CHRNA1: variants seen among roughly 807,000 people sequenced by gnomAD.
CHRNA1 encodes the protein cholinergic receptor nicotinic alpha 1 subunit, also known as acetylcholine receptor subunit alpha.
CHRNA1 carries 35 observed loss-of-function variants against 47.1 expected under a neutral mutation model. The ratio of observed to expected loss-of-function variants is 0.74; its 90% CI spans 0.57 to 0.99. CHRNA1 has a LOEUF of 0.99. Ranked by LOEUF, CHRNA1 falls within the 50% of genes least tolerant of loss-of-function variation. CHRNA1 has a pLI of 0.00. For synonymous variants in CHRNA1, 229 were observed against 223.6 expected, an observed-to-expected ratio of 1.02 and a Z score of -0.22; for missense variants, 506 against 591.1, an observed-to-expected ratio of 0.86 and a Z score of 1.49.
chr2:174,760,884 G>C (rs1292986055), intron 1 of CHRNA1, among the ~76,000 whole-genome samples: 1 of 152,096 alleles, frequency 6.6e-6, no homozygotes, highest in Non-Finnish European at 1.5e-5. Flanking sequence ...TCAGTATAGA[G>C]AGCAATATCA....
At chr2:174,750,415 G>A (rs188095769) in intron 6 of CHRNA1, among the ~76,000 whole-genome samples, 26 of 152,116 alleles carry the variant, frequency 1.7e-4, no homozygotes, top group African/African-American at 5.1e-4. Context: ...ATGCATAGAC[G>A]GAAGGCCATG....
intron 6 of CHRNA1, chr2:174,753,169 G>T: frequency 5.3e-6 from 3 of 566,822 alleles, no homozygotes; most frequent in Non-Finnish European, 9.5e-6. Context: ...AAGTGTCTGG[G>T]ATCACATGCC....
In CHRNA1 at chr2:174,748,828, A is replaced by G. The variant is rs769523120; in HGVS notation, c.1003-9T>C. ...ATAGTGTCGATAAAAACCTAACATA[A>G]AAAAGAAATCCATGCATGAGAATTA... On this transcript the variant is annotated splice_polypyrimidine_tract_variant and intron_variant, in intron 7 of 8. Transcript: ENST00000348749. 66 of 1,613,612 alleles carry G rather than the reference A, an allele frequency of 4.1e-5. No individual in the cohort carries two copies. Among genetic ancestry groups the G allele is most frequent in the East Asian group, 6.7e-5 (3 of 44,896 alleles).
In CHRNA1 at chr2:174,764,059, G is replaced by A. The variant is rs112181869; in HGVS notation, c.43+293C>T. Among the ~76,000 whole-genome samples, 464 of 152,290 alleles carry A rather than the reference G, an allele frequency of 3.0e-3. 4 individuals are homozygous for A. The highest frequency in any genetic ancestry group is 0.011 in the African/African-American group (446 of 41,548). ...TGGTCCAGGTCCTACAAATGGTGCC[G>A]AGTGTTCAGAGGGATGAGTCGGCTG... On this transcript the variant is annotated intron_variant, in intron 1 of 8. Coordinates refer to ENST00000348749, the MANE Select transcript of CHRNA1 (RefSeq NM_000079.4).
At position 174,748,153 on chromosome 2, in the gene CHRNA1, G is replaced by C; in HGVS notation, c.1345C>G (p.Arg449Gly). The change falls in exon 9 of 9, where the codon CGA (arginine) becomes GGA (glycine). Residue 449 changes from arginine (R) to glycine (G), a missense_variant. Transcript: ENST00000348749. ...CCTTGCTGATTTAATTCAATGAGTCGACCTGCAAACACGGCTAGGGTTCCG... is the reference window on the plus strand; with the variant it reads ...CCTTGCTGATTTAATTCAATGAGTCCACCTGCAAACACGGCTAGGGTTCCG... ...IIGTLAVFAGRLIELNQQG is the reference protein window; with the variant it reads ...IIGTLAVFAGGLIELNQQG 1 of 1,613,996 alleles carries C rather than the reference G, an allele frequency of 6.2e-7. No homozygotes were observed. Among genetic ancestry groups the C allele is most frequent in the South Asian group, 1.1e-5 (1 of 91,060 alleles).
In CHRNA1 at chr2:174,757,827, G is replaced by C. The variant is rs540326194; in HGVS notation, c.235-152C>G. 6.0e-4 allele frequency: 577 copies of C among 959,770 alleles called. 5 individuals are homozygous for C. In the African/African-American group the frequency reaches 8.2e-3, roughly 14 times the overall value. The allele number at this position is 959,770 out of a possible 1,614,324, so 59.5% of individuals were successfully genotyped here. On this transcript the variant is annotated intron_variant, in intron 3 of 8. Transcript: ENST00000348749. ...GATTCAGAATTTAGCTTTCACTTCA[G>C]TAAATAAGAACAGCAAATATATAGC... is the stretch of plus-strand genomic sequence containing the variant.
rs576344249 is a variant in CHRNA1 at position 174,747,789 on chromosome 2, A to G, written c.*335T>C. On this transcript the variant is annotated 3_prime_UTR_variant, in exon 9 of 9. Coordinates refer to ENST00000348749, the MANE Select transcript of CHRNA1 (RefSeq NM_000079.4). ...TCGTGGTTAGACAAAATAAGTAAATATATAAATATAACAGCAATGACAATG... is the reference window on the plus strand; with the variant it reads ...TCGTGGTTAGACAAAATAAGTAAATGTATAAATATAACAGCAATGACAATG... 8.8e-5 allele frequency: 29 copies of G among 329,960 alleles called. No homozygotes were observed. Among genetic ancestry groups the G allele is most frequent in the Non-Finnish European group, 1.6e-4 (28 of 169,752 alleles). 20.4% of individuals were successfully genotyped at this position (329,960 alleles called of 1,614,324 possible).
chr2:174,751,701 G>A (rs1192542461), intron 6 of CHRNA1, among the ~76,000 whole-genome samples: 16 of 141,776 alleles, frequency 1.1e-4, no homozygotes, highest in Non-Finnish European at 3.0e-5. Context: ...TTTTTTGTGA[G>A]GGAGTCTCAC....
intron 1 of CHRNA1, 125 bp from the exon 2 acceptor site, chr2:174,759,758 C>T: frequency 2.3e-6 from 3 of 1,283,136 alleles, no homozygotes; most frequent in East Asian, 2.5e-5. Context: ...ACACAGGCCT[C>T]CTTGTTGAAA....
rs1684078069 is a variant in CHRNA1 at position 174,760,278 on chromosome 2, G to C, written c.44-645C>G. 2.0e-5 allele frequency among the ~76,000 whole-genome samples: 3 copies of C among 152,282 alleles called. No individual in the cohort carries two copies. In the South Asian group the frequency reaches 6.2e-4, roughly 32 times the overall value. On this transcript the variant is annotated intron_variant, in intron 1 of 8. Coordinates refer to ENST00000348749, the MANE Select transcript of CHRNA1 (RefSeq NM_000079.4). ...AGCAGCATTATTTACCATAGCCAAA[G>C]GGTGGAAACAACTCAAGTGTCCATC...
chr2:174,762,280 C>T (rs1401079079), intron 1 of CHRNA1, among the ~76,000 whole-genome samples: 1 of 152,208 alleles, frequency 6.6e-6, no homozygotes, highest in African/African-American at 2.4e-5. Context: ...GATTCTCTTC[C>T]CAACTCCCAT....
At chr2:174,756,125 T>A (rs1483919130) in intron 4 of CHRNA1, among the ~76,000 whole-genome samples, 1 of 152,164 alleles carries the variant, frequency 6.6e-6, no homozygotes, top group Non-Finnish European at 1.5e-5. Context: ...TTCTTGGTTT[T>A]CAAATGTTGG....
At chr2:174,753,298 C>T (rs188338463) in intron 6 of CHRNA1, 145 of 723,252 alleles carry the variant, frequency 2.0e-4, no homozygotes, top group Non-Finnish European at 3.2e-4. Context: ...AACTCCCTGC[C>T]GCTCGGGGTG....
intron 4 of CHRNA1, among the ~76,000 whole-genome samples, chr2:174,756,281 G>A (rs1410914273): frequency 6.6e-6 from 1 of 152,194 alleles, no homozygotes; most frequent in African/African-American, 2.4e-5. Context: ...AGGGCAGGGT[G>A]TTAGAATAAG....
intron 3 of CHRNA1, among the ~76,000 whole-genome samples, chr2:174,758,424 C>T (rs992567448): frequency 1.3e-5 from 2 of 152,016 alleles, no homozygotes; most frequent in Admixed American, 6.6e-5. Flanking sequence ...AAAAGTAATA[C>T]AGGTTGAGGA....
chr2:174,754,004 G>A (rs2105348132), intron 5 of CHRNA1, among the ~76,000 whole-genome samples: 1 of 152,230 alleles, frequency 6.6e-6, no homozygotes, highest in South Asian at 2.1e-4. Context: ...GCCACCCCAG[G>A]CCCATTACAT....
In CHRNA1 at chr2:174,753,358, G is replaced by A. The variant is rs753193; in HGVS notation, c.778+145C>T. 1,598 of 856,960 alleles carry A rather than the reference G, an allele frequency of 1.9e-3. 19 individuals carry two copies. In the African/African-American group the frequency reaches 0.022, roughly 12 times the overall value. The allele number at this position is 856,960 out of a possible 1,614,324, so 53.1% of individuals were successfully genotyped here. A position where few individuals can be genotyped will look rare whatever the true frequency, so the allele number is the denominator to read the frequency against. Reference sequence around the variant, plus strand: ...CACAGTGACTCTCACCACTGCGCACGCCCACTCAGCAAATGCACCCTCCTA... The same window carrying A: ...CACAGTGACTCTCACCACTGCGCACACCCACTCAGCAAATGCACCCTCCTA... On this transcript the variant is annotated intron_variant, in intron 6 of 8. Transcript: ENST00000348749.
At chr2:174,758,843 CT>C in intron 3 of CHRNA1, among the ~76,000 whole-genome samples, 1 of 151,970 alleles carries the variant, frequency 6.6e-6, no homozygotes, top group Non-Finnish European at 1.5e-5. Flanking sequence ...TTCAATATGA[CT>C]GGTGTCTTCA....
At chr2:174,749,846 C>T (rs1221576242) in intron 7 of CHRNA1, 100 bp downstream of exon 7, 1 of 1,067,206 alleles carries the variant, frequency 9.4e-7, no homozygotes, top group South Asian at 1.3e-5. Flanking sequence ...AACTTAGTTC[C>T]TAAATAGCCC....
Sources: allele counts gnomAD v4.1 joint callset (sites outside exome capture counted in the v4.1 genomes callset), GRCh38; gene constraint gnomAD v4.1.1; transcripts MANE v1.5; gene names NCBI Gene and HGNC (gene_info 2026-07-23, HGNC 2026-07-21).